Variants in FOXP1 observed in about 807,000 individuals in gnomAD.
The protein encoded by FOXP1 is forkhead box protein P1.
A neutral mutation model predicts 98.2 loss-of-function variants in FOXP1; 15 were observed. The ratio of observed to expected loss-of-function variants is 0.15; its 90% CI spans 0.10 to 0.24. The LOEUF is 0.24. FOXP1 is among the 10% of genes least tolerant of loss of function. FOXP1 has a pLI of 1.00. For synonymous variants in FOXP1, 371 were observed against 314.5 expected (o/e 1.18, Z -1.90); for missense variants, 633 against 848.5 (o/e 0.75, Z 3.15).
In FOXP1 at chr3:71,275,574, C is replaced by CA. The variant is rs1441634572; in HGVS notation, c.-12+24245dup. Among the ~76,000 whole-genome samples the CA allele has an allele frequency of 2.6e-5, 4 of 152,350 alleles. No individual in the cohort carries two copies. The East Asian group carries it at 7.7e-4, about 29-fold the overall frequency. ...TTGGCAGTTTTCTGATAGGTTCAGA[C>CA]AAGCAGGTGTCTTTGATGGACGCTG... On this transcript the variant is annotated intron_variant, in intron 5 of 20. Coordinates refer to ENST00000649528, the MANE Select transcript of FOXP1 (RefSeq NM_001349338.3).
At chr3:71,367,222 C>A (rs1039271534) in intron 3 of FOXP1, among the ~76,000 whole-genome samples, 2 of 152,172 alleles carry the variant, frequency 1.3e-5, no homozygotes, top group Admixed American at 1.3e-4. Context: ...CACCACACTG[C>A]CTTTGCGCCT....
chr3:71,084,618 A>G (rs761646072), intron 7 of FOXP1, among the ~76,000 whole-genome samples: 3 of 152,236 alleles, frequency 2.0e-5, no homozygotes, highest in Admixed American at 1.3e-4. Context: ...GACTGAAATC[A>G]CTTACTGAGA....
rs150964676 is a variant in FOXP1, at chr3:71,362,463, G to A, written c.-167-3219C>T. Among the ~76,000 whole-genome samples the A allele has an allele frequency of 1.8e-4, 27 of 152,132 alleles. No homozygotes were observed. The East Asian group carries it at 5.0e-3, about 28-fold the overall frequency. On this transcript the variant is annotated intron_variant, in intron 3 of 20. Transcript: ENST00000649528. ...CAGGATTATAGGCGTGAGCCACCGC[G>A]CCCAGCCCTATTATTTACTTTTTTG...
chr3:71,574,653 T>C (rs2047590321), intron 2 of FOXP1, among the ~76,000 whole-genome samples: 1 of 152,100 alleles, frequency 6.6e-6, no homozygotes, highest in African/African-American at 2.4e-5. Flanking sequence ...GAGCAAACAG[T>C]TACAATTTTA....
intron 2 of FOXP1, among the ~76,000 whole-genome samples, chr3:71,516,729 C>G (rs1265218995): frequency 6.6e-6 from 1 of 152,074 alleles, no homozygotes; most frequent in African/African-American, 2.4e-5. Context: ...ACCTGCAATC[C>G]CAGCTACTTG....
At chr3:71,460,729 G>A (rs577814725) in intron 3 of FOXP1, among the ~76,000 whole-genome samples, 7 of 152,226 alleles carry the variant, frequency 4.6e-5, no homozygotes, top group East Asian at 3.9e-4. Flanking sequence ...GTGAGCTACC[G>A]CGCCTGGCCT....
intron 3 of FOXP1, among the ~76,000 whole-genome samples, chr3:71,403,209 G>A (rs934614267): frequency 1.1e-4 from 16 of 152,302 alleles, no homozygotes; most frequent in African/African-American, 3.6e-4. Context: ...CATGTGTGGC[G>A]TGTACATGTC....
intron 12 of FOXP1, 122 bp from the exon 13 acceptor site, chr3:71,001,181 G>C: frequency 1.4e-6 from 1 of 723,704 alleles, no homozygotes; most frequent in Non-Finnish European, 2.5e-6. Flanking sequence ...AGTAGTCCAG[G>C]GGGTGGCCTG....
intron 7 of FOXP1, among the ~76,000 whole-genome samples, chr3:71,072,706 G>A (rs1413490374): frequency 6.6e-6 from 1 of 152,138 alleles, no homozygotes; most frequent in African/African-American, 2.4e-5. Context: ...AACCATGCCT[G>A]CTTTCACCAA....
intron 11 of FOXP1, among the ~76,000 whole-genome samples, chr3:71,032,766 C>A (rs564367635): frequency 1.9e-4 from 29 of 152,308 alleles, no homozygotes; most frequent in Non-Finnish European, 3.8e-4. Flanking sequence ...CCGCTTAAGT[C>A]TCCAGCATAG....
intron 14 of FOXP1, among the ~76,000 whole-genome samples, chr3:70,978,700 G>A (rs1575814377): frequency 6.6e-6 from 1 of 152,182 alleles, no homozygotes; most frequent in East Asian, 1.9e-4. Flanking sequence ...TAAACACAAT[G>A]GGCCTGACCC....
At chr3:71,551,149 G>A (rs572383088) in intron 2 of FOXP1, among the ~76,000 whole-genome samples, 6 of 152,260 alleles carry the variant, frequency 3.9e-5, no homozygotes, top group African/African-American at 1.4e-4. Flanking sequence ...TTTGGTGTTC[G>A]TGTTCTGGCT....
intron 11 of FOXP1, among the ~76,000 whole-genome samples, chr3:71,035,613 A>C (rs1473768074): frequency 6.6e-6 from 1 of 152,210 alleles, no homozygotes; most frequent in Non-Finnish European, 1.5e-5. Context: ...GCCTTGACTC[A>C]TGTTGGCAGG....
At chr3:71,020,515 C>T (rs2045271654) in intron 11 of FOXP1, among the ~76,000 whole-genome samples, 1 of 152,188 alleles carries the variant, frequency 6.6e-6, no homozygotes, top group Non-Finnish European at 1.5e-5. Flanking sequence ...ACTAAATCCA[C>T]CTGCTAAATA....
chr3:71,552,409 T>C (rs1352584505), intron 2 of FOXP1, among the ~76,000 whole-genome samples: 1 of 151,952 alleles, frequency 6.6e-6, no homozygotes, highest in Non-Finnish European at 1.5e-5. Flanking sequence ...ACTACAAAAT[T>C]TTCATGAGAA....
chr3:71,581,794 G>C (rs2048191336), intron 1 of FOXP1, 97 bp from the exon 2 acceptor site: 1 of 986,038 alleles, frequency 1.0e-6, no homozygotes, highest in Admixed American at 6.1e-5. Flanking sequence ...AGGCCGAGGG[G>C]CCAGGACAGA....
At chr3:71,247,865 C>A (rs1341943542) in intron 5 of FOXP1, among the ~76,000 whole-genome samples, 1 of 152,204 alleles carries the variant, frequency 6.6e-6, no homozygotes, top group Non-Finnish European at 1.5e-5. Flanking sequence ...ATGGACATGT[C>A]CCAAGAATGA....
intron 5 of FOXP1, among the ~76,000 whole-genome samples, chr3:71,264,716 AC>A (rs1187427775): frequency 6.6e-6 from 1 of 152,040 alleles, no homozygotes; most frequent in African/African-American, 2.4e-5. Flanking sequence ...AACCATTATC[AC>A]CCTGTAGTTC....
chr3:71,515,516 C>G (rs185246975), intron 2 of FOXP1, among the ~76,000 whole-genome samples: 8 of 149,806 alleles, frequency 5.3e-5, no homozygotes, highest in Admixed American at 5.3e-4. Flanking sequence ...GGGTAACAGT[C>G]ATTTTCAAGC....
Sources: gnomAD v4.1 joint callset for allele counts (sites outside exome capture counted in the v4.1 genomes callset) on GRCh38, gnomAD v4.1.1 for gene constraint, MANE v1.5 for transcripts, NCBI Gene and HGNC (gene_info 2026-07-23, HGNC 2026-07-21) for gene names.